LRP1B: variants seen among roughly 807,000 people sequenced by gnomAD.
LRP1B encodes LDL receptor related protein 1B.
Under a neutral mutation model 556.6 loss-of-function variants are expected in LRP1B, and 217 were observed. That is an observed-to-expected ratio of 0.39 (90% confidence interval 0.35 to 0.44). LRP1B has a LOEUF of 0.44. Ranked by LOEUF, LRP1B falls within the 20% of genes least tolerant of loss-of-function variation. LRP1B has a pLI of 1.00. For missense variants in LRP1B, 5,053 were observed against 5,620.8 expected (o/e 0.90, Z 3.23); for synonymous variants, 2,047 against 1,865.8 (o/e 1.10, Z -2.50).
intron 77 of LRP1B, among the ~76,000 whole-genome samples, chr2:140,340,764 G>C (rs1681349684): frequency 6.6e-6 from 1 of 151,144 alleles, no homozygotes; most frequent in Non-Finnish European, 1.5e-5. Context: ...TACACGGTTT[G>C]GTATATCGAA....
intron 11 of LRP1B, among the ~76,000 whole-genome samples, chr2:141,020,912 G>A (rs1698047426): frequency 6.6e-6 from 1 of 151,970 alleles, no homozygotes; most frequent in African/African-American, 2.4e-5. Flanking sequence ...ATGACCCACA[G>A]TGTGGAAACC....
intron 7 of LRP1B, among the ~76,000 whole-genome samples, chr2:141,157,196 CAT>C (rs1378431167): frequency 6.6e-6 from 1 of 151,824 alleles, no homozygotes; most frequent in East Asian, 1.9e-4. Context: ...TTTTATAAAA[CAT>C]AGGAATATAA....
intron 43 of LRP1B, among the ~76,000 whole-genome samples, chr2:140,595,096 A>ATATATC (rs1558992074): frequency 8.7e-5 from 4 of 46,228 alleles, no homozygotes; most frequent in African/African-American, 2.1e-4. Flanking sequence ...GAATATATAT[A>ATATATC]TATATATATA....
intron 2 of LRP1B, among the ~76,000 whole-genome samples, chr2:141,640,654 C>T (rs947423951): frequency 2.0e-5 from 3 of 152,068 alleles, no homozygotes; most frequent in Non-Finnish European, 2.9e-5. Flanking sequence ...AGTAGCCGGG[C>T]ATGATGGCAT....
At chr2:140,462,453 A>C (rs1428993647) in intron 60 of LRP1B, among the ~76,000 whole-genome samples, 1 of 152,222 alleles carries the variant, frequency 6.6e-6, no homozygotes, top group Non-Finnish European at 1.5e-5. Context: ...CTAGTGAAAA[A>C]TGCAGCTGAG....
chr2:141,400,788 T>C (rs1690424185), intron 3 of LRP1B, among the ~76,000 whole-genome samples: 1 of 152,186 alleles, frequency 6.6e-6, no homozygotes, highest in Admixed American at 6.5e-5. Flanking sequence ...TAATTTCACC[T>C]TCCCTTTACA....
intron 6 of LRP1B, chr2:141,208,304 T>C (rs191271226): frequency 5.8e-4 from 88 of 152,356 alleles, no homozygotes; most frequent in African/African-American, 2.1e-3. Context: ...TAGCTTGTGT[T>C]GCAGGGTACA....
At chr2:141,139,062 T>C (rs1484622037) in intron 7 of LRP1B, among the ~76,000 whole-genome samples, 2 of 151,946 alleles carry the variant, frequency 1.3e-5, no homozygotes, top group Non-Finnish European at 2.9e-5. Context: ...GAATAGCTTA[T>C]TTGTGGCAAA....
rs1292073570 is a variant in LRP1B at position 141,702,487 on chromosome 2, C to G, written c.205+107792G>C. On this transcript the variant is annotated intron_variant, in intron 2 of 90. Coordinates refer to ENST00000389484, the MANE Select transcript of LRP1B (RefSeq NM_018557.3). ...ACTACTTTCAACATTTTATAAAACACTCTGTAAATCCAACAAATTATCCTT... is the reference window on the plus strand; with the variant it reads ...ACTACTTTCAACATTTTATAAAACAGTCTGTAAATCCAACAAATTATCCTT... 2.6e-5 allele frequency among the ~76,000 whole-genome samples: 4 copies of G among 151,768 alleles called. No individual in the cohort carries two copies. The East Asian group carries it at 7.8e-4, about 29-fold the overall frequency.
chr2:141,252,993 A>G (rs996065629), intron 4 of LRP1B, among the ~76,000 whole-genome samples: 1 of 152,214 alleles, frequency 6.6e-6, no homozygotes, highest in Non-Finnish European at 1.5e-5. Flanking sequence ...AACACATAAA[A>G]GCAATTAATT....
chr2:141,558,137 G>T (rs998331519), intron 2 of LRP1B, among the ~76,000 whole-genome samples: 2 of 151,790 alleles, frequency 1.3e-5, no homozygotes, highest in African/African-American at 4.8e-5. Flanking sequence ...GAATTGAAGT[G>T]GTTGATTTCT....
intron 66 of LRP1B, among the ~76,000 whole-genome samples, chr2:140,420,182 TA>T (rs1407196466): frequency 6.6e-6 from 1 of 151,196 alleles, no homozygotes; most frequent in Non-Finnish European, 1.5e-5. Flanking sequence ...TGGATGCAGA[TA>T]AAAAAAGTGC....
At chr2:140,525,707 C>T (rs983399173) in intron 49 of LRP1B, 137 bp downstream of exon 49, 2 of 716,534 alleles carry the variant, frequency 2.8e-6, no homozygotes, top group Non-Finnish European at 4.5e-6. Flanking sequence ...AGGTTAATTA[C>T]ATTTCAGTCT....
chr2:141,149,328 A>G (rs1701864037), intron 7 of LRP1B, among the ~76,000 whole-genome samples: 1 of 152,036 alleles, frequency 6.6e-6, no homozygotes, highest in Non-Finnish European at 1.5e-5. Context: ...ATGAGATCTA[A>G]ATTTCTCTAG....
chr2:141,231,896 C>G (rs1334740830), intron 5 of LRP1B, among the ~76,000 whole-genome samples: 4 of 152,070 alleles, frequency 2.6e-5, no homozygotes, highest in Non-Finnish European at 4.4e-5. Flanking sequence ...AACTAAGTAG[C>G]ACAACAGTTT....
At chr2:141,304,609 A>C (rs1686518148) in intron 3 of LRP1B, among the ~76,000 whole-genome samples, 1 of 150,876 alleles carries the variant, frequency 6.6e-6, no homozygotes, top group Non-Finnish European at 1.5e-5. Context: ...CCTACTGAGC[A>C]GCTGGTATTA....
At chr2:140,850,724 T>G (rs1211391550) in intron 28 of LRP1B, among the ~76,000 whole-genome samples, 1 of 152,218 alleles carries the variant, frequency 6.6e-6, no homozygotes, top group Non-Finnish European at 1.5e-5. Flanking sequence ...TTTTCTATAC[T>G]GTCTTTGAAT....
In LRP1B at chr2:140,324,009, G is replaced by T. The variant is rs754228687; in HGVS notation, c.12398C>A (p.Pro4133His). 6.2e-7 allele frequency: 1 copy of T among 1,609,906 alleles called. No homozygotes were observed. Among genetic ancestry groups the T allele is most frequent in the Non-Finnish European group, 8.5e-7 (1 of 1,176,884 alleles). Residue 4133 changes from proline to histidine, a missense_variant, in exon 81 of 91, where the codon CCT becomes CAT. Physicochemically the swap from Pro to His is moderately conservative, Grantham distance 77. Transcript: ENST00000389484. The part of the protein sequence containing the change: ...IFEDYIYGAG[P>H]KNGVFRVQKF... The stretch of plus-strand genomic sequence containing the variant: ...TTGAACTCGAAATACACCATTTTTA[G>T]GTCCTGCTCCATATATATAATCTTC...
chr2:141,017,536 T>G (rs1489060288), intron 12 of LRP1B, among the ~76,000 whole-genome samples: 1 of 151,790 alleles, frequency 6.6e-6, no homozygotes, highest in Non-Finnish European at 1.5e-5. Context: ...ATTTTACTAT[T>G]TGAGAAAAGG....
Sources: gnomAD v4.1 joint callset for allele counts (sites outside exome capture counted in the v4.1 genomes callset) on GRCh38, gnomAD v4.1.1 for gene constraint, MANE v1.5 for transcripts, NCBI Gene and HGNC (gene_info 2026-07-23, HGNC 2026-07-21) for gene names.